Variants in NCOR1 observed in about 807,000 individuals in gnomAD.
NCOR1 encodes the protein nuclear receptor corepressor 1, also known as protein phosphatase 1, regulatory subunit 109.
In NCOR1, 63 loss-of-function variants were observed where a neutral mutation model predicts 288.1. The observed-to-expected ratio is 0.22, with a 90% confidence interval of 0.18 to 0.27. NCOR1 has a LOEUF of 0.27. Ranked by LOEUF, NCOR1 falls within the 10% of genes least tolerant of loss-of-function variation. The pLI is 1.00. For missense variants in NCOR1, 2,397 were observed against 3,019.2 expected (o/e 0.79, Z 4.83); for synonymous variants, 1,007 against 1,065.9 (o/e 0.94, Z 1.08).
intron 31 of NCOR1, among the ~76,000 whole-genome samples, chr17:16,069,507 G>C (rs2061500872): frequency 6.6e-6 from 1 of 152,198 alleles, no homozygotes; most frequent in Admixed American, 6.5e-5. Flanking sequence ...GGTTGATAGG[G>C]ACCACTTGGT....
At chr17:16,079,924 T>G in intron 26 of NCOR1, 40 bp downstream of exon 26, 634 of 1,483,858 alleles carry the variant, frequency 4.3e-4, no homozygotes, top group Non-Finnish European at 5.5e-4. Flanking sequence ...CATTTTTTCC[T>G]GAGCTTCTGT....
intron 20 of NCOR1, 47 bp from the exon 21 acceptor site, chr17:16,098,543 C>T (rs373478193): frequency 2.6e-6 from 4 of 1,532,342 alleles, no homozygotes; most frequent in African/African-American, 2.8e-5. Context: ...ATTTTTAAGA[C>T]TCAAACATAT....
chr17:16,060,765 CTTAT>C (rs911079240), intron 37 of NCOR1, among the ~76,000 whole-genome samples: 43 of 152,134 alleles, frequency 2.8e-4, no homozygotes, highest in African/African-American at 1.0e-3. Flanking sequence ...TTAGCAGATG[CTTAT>C]TTAAATACTT....
Position 16,145,617 on chromosome 17 carries a change from G to A in NCOR1, c.1082+759C>T, listed in dbSNP as rs1415885245. On this transcript the variant is annotated intron_variant, in intron 10 of 45. Coordinates refer to ENST00000268712, the MANE Select transcript of NCOR1 (RefSeq NM_006311.4). ...AGTCTGAGACGTGAGGAGCCCCTCT[G>A]CCCGGCAGCCGCCCCGTCTGGGAAG... Among the ~76,000 whole-genome samples, 7 of 151,496 alleles carry A rather than the reference G, an allele frequency of 4.6e-5. No homozygotes were observed. In the East Asian group the frequency reaches 1.2e-3, roughly 25 times the overall value.
At chr17:16,078,368 C>T (rs2062855323) in intron 26 of NCOR1, among the ~76,000 whole-genome samples, 1 of 152,162 alleles carries the variant, frequency 6.6e-6, no homozygotes, top group African/African-American at 2.4e-5. Flanking sequence ...TTAACGCCCA[C>T]TTCAGAAGTA....
At chr17:16,120,912 A>G (rs2072872796) in intron 16 of NCOR1, 140 bp downstream of exon 16, 2 of 743,216 alleles carry the variant, frequency 2.7e-6, no homozygotes, top group Non-Finnish European at 4.0e-6. Flanking sequence ...CTTTGACATT[A>G]AAGTTTAAAA....
At chr17:16,053,887 G>T (rs1170982013) in intron 40 of NCOR1, among the ~76,000 whole-genome samples, 3 of 151,670 alleles carry the variant, frequency 2.0e-5, no homozygotes, top group African/African-American at 7.3e-5. Flanking sequence ...CAGAAATAAG[G>T]CCTCACACCT....
chr17:16,098,043 A>G (rs901055637), intron 21 of NCOR1, among the ~76,000 whole-genome samples: 4 of 152,222 alleles, frequency 2.6e-5, no homozygotes, highest in Non-Finnish European at 4.4e-5. Flanking sequence ...ATTGGTATCT[A>G]AACTGTGTGT....
At position 16,185,381 on chromosome 17, in the gene NCOR1, C is replaced by T. The variant is rs573735107; in HGVS notation, c.242+1173G>A. On this transcript the variant is annotated intron_variant, in intron 3 of 45. Transcript: ENST00000268712. ...TCATGTTGTATGCCTTAAATACACA[C>T]AATTTAAAAAAAAAAATTCTGGCGA... is the stretch of plus-strand genomic sequence containing the variant. Among the ~76,000 whole-genome samples the T allele has an allele frequency of 1.2e-3, 178 of 151,560 alleles. 1 individual carries two copies. The highest frequency in any genetic ancestry group is 4.1e-3 in the African/African-American group (170 of 41,296).
Position 16,127,338 on chromosome 17 carries a change from CATGT to C in NCOR1, c.1510-1136_1510-1133del, listed in dbSNP as rs1403107361. Among the ~76,000 whole-genome samples, 21 of 36,226 alleles carry C rather than the reference CATGT, an allele frequency of 5.8e-4. 6 individuals are homozygous for C. Among genetic ancestry groups the C allele is most frequent in the Non-Finnish European group, 9.8e-4 (13 of 13,250 alleles). 23.8% of individuals were successfully genotyped at this position (36,226 alleles called of 152,430 possible). A position where few individuals can be genotyped will look rare whatever the true frequency, so the allele number is the denominator to read the frequency against. On this transcript the variant is annotated intron_variant, in intron 14 of 45. Transcript: ENST00000268712. ...GTATGTATATATGTATGTATATATA[CATGT>C]ATGTATATATGTATGTATATATACA...
intron 18 of NCOR1, among the ~76,000 whole-genome samples, chr17:16,114,758 G>A (rs572055820): frequency 5.9e-5 from 9 of 152,376 alleles, no homozygotes; most frequent in African/African-American, 2.2e-4. Flanking sequence ...GTCTTGGGCA[G>A]CTCCAATCCT....
At chr17:16,135,314 G>A (rs1434545527) in intron 14 of NCOR1, among the ~76,000 whole-genome samples, 2 of 152,034 alleles carry the variant, frequency 1.3e-5, no homozygotes, top group Non-Finnish European at 2.9e-5. Flanking sequence ...TCTCTCTGGT[G>A]GAATAGTGCT....
intron 1 of NCOR1, among the ~76,000 whole-genome samples, chr17:16,201,933 T>A (rs1331703484): frequency 6.6e-6 from 1 of 151,384 alleles, no homozygotes; most frequent in Non-Finnish European, 1.5e-5. Context: ...CTACTAAAAA[T>A]ACAAAAAATA....
chr17:16,062,406 T>G (rs1567779527), intron 35 of NCOR1, 136 bp from the exon 36 acceptor site: 11 of 929,310 alleles, frequency 1.2e-5, no homozygotes, highest in Non-Finnish European at 1.6e-5. Flanking sequence ...AACTTGATAG[T>G]CTACTTTCTG....
Position 16,048,985 on chromosome 17 carries a change from C to G in NCOR1, c.6396G>C (p.Arg2132Ser), listed in dbSNP as rs115005688. Residue 2132 changes from arginine to serine, a missense_variant, in exon 41 of 46, where the codon AGG becomes AGC. Coordinates refer to ENST00000268712, the MANE Select transcript of NCOR1 (RefSeq NM_006311.4). ...GACTCCTCTCTGGGGATTTTCCAGG[C>G]CTACTATTGTAATATGTGAAATATT... ...ENLVDKSRGS[R>S]PGKSPERSHV... The G allele has an allele frequency of 6.2e-7, 1 of 1,605,120 alleles. No individual in the cohort carries two copies. Among genetic ancestry groups the G allele is most frequent in the Non-Finnish European group, 8.5e-7 (1 of 1,174,108 alleles).
chr17:16,145,876 T>C (rs1469801893), intron 10 of NCOR1, among the ~76,000 whole-genome samples: 1 of 151,392 alleles, frequency 6.6e-6, no homozygotes, highest in Non-Finnish European at 1.5e-5. Flanking sequence ...GTGGCGAGAG[T>C]AGAGGGAGAT....
intron 44 of NCOR1, among the ~76,000 whole-genome samples, chr17:16,035,469 T>A (rs1974192666): frequency 6.6e-6 from 1 of 152,010 alleles, no homozygotes; most frequent in African/African-American, 2.4e-5. Context: ...CATTTCAAGT[T>A]TGATCATGAG....
At chr17:16,047,865 A>G (rs1428175845) in intron 41 of NCOR1, among the ~76,000 whole-genome samples, 1 of 152,354 alleles carries the variant, frequency 6.6e-6, no homozygotes, top group South Asian at 2.1e-4. Context: ...TTAAGGTGAT[A>G]GGAACAGGAA....
At chr17:16,091,793 G>A (rs2065222735) in intron 22 of NCOR1, 70 bp downstream of exon 22, 1 of 1,605,618 alleles carries the variant, frequency 6.2e-7, no homozygotes, top group South Asian at 1.1e-5. Flanking sequence ...AAGCACAATG[G>A]ACACTGCTTT....
Sources: allele counts gnomAD v4.1 joint callset (sites outside exome capture counted in the v4.1 genomes callset), GRCh38; gene constraint gnomAD v4.1.1; transcripts MANE v1.5; gene names NCBI Gene and HGNC (gene_info 2026-07-23, HGNC 2026-07-21).